The following CACHD1 variants were observed in gnomAD, a reference collection of about 807,000 sequenced individuals.
The protein encoded by CACHD1 is cache domain containing 1.
Under a neutral mutation model 138.7 loss-of-function variants are expected in CACHD1, and 71 were observed. That is an observed-to-expected ratio of 0.51 (90% CI 0.42 to 0.62). CACHD1 has a LOEUF of 0.62. CACHD1 is among the 20% of genes least tolerant of loss of function. The pLI is 0.00. For missense variants in CACHD1, 1,389 were observed against 1,625.3 expected (o/e 0.85, Z 2.50); for synonymous variants, 578 against 591.5 (o/e 0.98, Z 0.33).
intron 1 of CACHD1, among the ~76,000 whole-genome samples, chr1:64,542,362 A>G (rs1001805276): frequency 1.3e-5 from 2 of 152,210 alleles, no homozygotes; most frequent in African/African-American, 2.4e-5. Context: ...CATGGTTTTC[A>G]GTAACTAAGC....
chr1:64,690,888 T>C (rs1650526739), intron 26 of CACHD1, among the ~76,000 whole-genome samples: 1 of 152,234 alleles, frequency 6.6e-6, no homozygotes, highest in Non-Finnish European at 1.5e-5. Flanking sequence ...TCAGATCTTC[T>C]TCTTGAAGCT....
Position 64,641,959 on chromosome 1 carries a change from C to T in CACHD1, c.1146C>T (p.Ala382=). ...ACTCTGTAATGATTCTCACCTATGC[C>T]CTCATGAACGGTAGGTAGAGTTTCA... ...LNNSVMILTY[A]LMNDGVTGLK... is the part of the protein sequence containing the mutation. The change falls in exon 8 of 27, where the codon GCC becomes GCT. Residue 382 remains alanine, a synonymous_variant. Transcript: ENST00000651257. 1 of 1,575,384 alleles carries T rather than the reference C, an allele frequency of 6.3e-7. No individual in the cohort carries two copies. The highest frequency in any genetic ancestry group is 8.6e-7 in the Non-Finnish European group (1 of 1,166,432).
At chr1:64,492,385 A>ATTTTTTTTTTTTTTTTTTTTTTTTTTTTT (rs1355844610) in intron 1 of CACHD1, among the ~76,000 whole-genome samples, 1 of 138,696 alleles carries the variant, frequency 7.2e-6, no homozygotes, top group Non-Finnish European at 1.6e-5. Flanking sequence ...GGGTCCCCCT[A>ATTTTTTTTTTTTTTTTTTTTTTTTTTTTT]TTGTTTTCTT....
chr1:64,532,423 G>A (rs1646595063), intron 1 of CACHD1, among the ~76,000 whole-genome samples: 2 of 152,202 alleles, frequency 1.3e-5, no homozygotes, highest in Admixed American at 1.3e-4. Context: ...TGGATGTGAT[G>A]AGCTACTGGA....
At chr1:64,631,171 A>C (rs543192449) in intron 5 of CACHD1, among the ~76,000 whole-genome samples, 1 of 152,232 alleles carries the variant, frequency 6.6e-6, no homozygotes, top group Non-Finnish European at 1.5e-5. Flanking sequence ...GACAATGCCA[A>C]CACATATCCC....
chr1:64,593,476 G>T (rs1647124474), intron 3 of CACHD1, among the ~76,000 whole-genome samples: 1 of 151,934 alleles, frequency 6.6e-6, no homozygotes, highest in African/African-American at 2.4e-5. Context: ...TATAACTTTT[G>T]TTCCTTTGTT....
chr1:64,615,098 C>T (rs79092388), intron 4 of CACHD1, among the ~76,000 whole-genome samples: 5,038 of 152,270 alleles, frequency 0.033, 127 homozygotes, highest in Non-Finnish European at 0.049. Flanking sequence ...TCCATCACCG[C>T]TCCGTACTTT....
intron 1 of CACHD1, among the ~76,000 whole-genome samples, chr1:64,535,858 T>C (rs985508808): frequency 1.3e-5 from 2 of 152,162 alleles, no homozygotes; most frequent in African/African-American, 2.4e-5. Flanking sequence ...CCTAGGAATC[T>C]GCCTTTTATA....
At chr1:64,687,642 A>G (rs935809263) in intron 26 of CACHD1, among the ~76,000 whole-genome samples, 2 of 151,982 alleles carry the variant, frequency 1.3e-5, no homozygotes, top group Non-Finnish European at 2.9e-5. Context: ...GTGTCACTGG[A>G]CTCTGTCATA....
chr1:64,495,399 A>G (rs1316312936), intron 1 of CACHD1, among the ~76,000 whole-genome samples: 2 of 152,152 alleles, frequency 1.3e-5, no homozygotes, highest in African/African-American at 4.8e-5. Flanking sequence ...TGTATTAGGA[A>G]AAGCTCTCCT....
chr1:64,473,639 CTCCTT>C (rs1265130799), intron 1 of CACHD1, among the ~76,000 whole-genome samples: 2 of 152,168 alleles, frequency 1.3e-5, no homozygotes, highest in Non-Finnish European at 2.9e-5. Flanking sequence ...AAGGGATTGA[CTCCTT>C]TCATTTGACC....
intron 5 of CACHD1, among the ~76,000 whole-genome samples, chr1:64,631,657 A>G (rs1051568435): frequency 2.0e-5 from 3 of 152,140 alleles, no homozygotes; most frequent in African/African-American, 7.2e-5. Context: ...CCAGCTTTAA[A>G]ACTGTGAATA....
intron 1 of CACHD1, among the ~76,000 whole-genome samples, chr1:64,540,262 T>C (rs1646667403): frequency 6.6e-6 from 1 of 151,588 alleles, no homozygotes; most frequent in Admixed American, 6.6e-5. Flanking sequence ...GCTAAATACC[T>C]CCTTTTTTTT....
chr1:64,689,351 G>A (rs1480055187), intron 26 of CACHD1, among the ~76,000 whole-genome samples: 1 of 152,070 alleles, frequency 6.6e-6, no homozygotes, highest in Non-Finnish European at 1.5e-5. Flanking sequence ...ATAACTTGAA[G>A]TTGTAGTCAC....
chr1:64,669,207 G>T (rs181504815), intron 16 of CACHD1, among the ~76,000 whole-genome samples: 16 of 152,252 alleles, frequency 1.1e-4, no homozygotes, highest in Middle Eastern at 3.4e-3. Flanking sequence ...TAAAACAGAG[G>T]CTGTAATACC....
chr1:64,679,738 T>A lies in CACHD1; in HGVS notation c.3388T>A (p.Ser1130Thr), dbSNP rs200048107. Residue 1130 changes from serine (S) to threonine (T), a missense_variant, in exon 24 of 27, where the codon TCT becomes ACT. Physicochemically the swap from Ser to Thr is moderately conservative, Grantham distance 58. Around this residue, in one of 5 missense-constraint regions of CACHD1, gnomAD observed 250 missense variants for 292.9 expected, o/e 0.85. Coordinates refer to ENST00000651257, the MANE Select transcript of CACHD1 (RefSeq NM_020925.4). ...QIHRRSHQHM[S>T]PLAAQEMSVR... ...TCATCGCCGGAGCCATCAGCATATG[T>A]CTCCTCTTGCTGCCCAAGGTGAGCT... The A allele has an allele frequency of 1.1e-4, 180 of 1,613,872 alleles. No homozygotes were observed. The highest frequency in any genetic ancestry group is 1.0e-3 in the Middle Eastern group (6 of 5,860).
intron 1 of CACHD1, among the ~76,000 whole-genome samples, chr1:64,495,325 C>G (rs1303172295): frequency 6.6e-6 from 1 of 152,084 alleles, no homozygotes; most frequent in Non-Finnish European, 1.5e-5. Flanking sequence ...ATGCTAAATT[C>G]CAGCCTTAGG....
intron 4 of CACHD1, among the ~76,000 whole-genome samples, chr1:64,622,114 A>G (rs777546054): frequency 3.5e-4 from 53 of 152,338 alleles, no homozygotes; most frequent in South Asian, 1.7e-3. Flanking sequence ...TGGCTTCCTT[A>G]TACTTGCTCA....
intron 4 of CACHD1, among the ~76,000 whole-genome samples, chr1:64,626,179 T>C (rs974915780): frequency 6.6e-6 from 1 of 152,230 alleles, no homozygotes; most frequent in Non-Finnish European, 1.5e-5. Flanking sequence ...TCTTTATCTT[T>C]GCCTCATGCT....
Sources: gnomAD v4.1 joint callset for allele counts (sites outside exome capture counted in the v4.1 genomes callset) on GRCh38, gnomAD v4.1.1 for gene constraint, gnomAD v4.1.1 regional missense constraint, MANE v1.5 for transcripts, NCBI Gene and HGNC (gene_info 2026-07-23, HGNC 2026-07-21) for gene names.